Variants in PUDP observed in about 807,000 individuals in gnomAD.
The protein encoded by PUDP is pseudouridine-5'-phosphatase.
PUDP carries 8 observed loss-of-function variants against 9.4 expected under a neutral mutation model. The observed-to-expected ratio is 0.85, with a 90% CI of 0.50 to 1.53. The LOEUF is 1.53. PUDP is among the 40% of genes most tolerant of loss of function. The pLI is 0.00. For synonymous variants in PUDP, 99 were observed against 80.7 expected, an observed-to-expected ratio of 1.23 and a Z score of -1.22; for missense variants, 188 against 189.7, an observed-to-expected ratio of 0.99 and a Z score of 0.05.
chrX:6,789,609 C>G (rs1225558565), intron 3 of PUDP, among the ~76,000 whole-genome samples: 6 of 111,193 alleles, frequency 5.4e-5, no homozygotes. Flanking sequence ...GGCCCCCAAG[C>G]TGGAGCGCTG....
chrX:6,816,849 T>A (rs1926248844), intron 3 of PUDP, among the ~76,000 whole-genome samples: 1 of 95,111 alleles, frequency 1.1e-5, no homozygotes, highest in African/African-American at 3.8e-5. Flanking sequence ...ATACAATATA[T>A]ACACACATAC....
chrX:7,104,268 G>A (rs2146896615), intron 2 of PUDP, among the ~76,000 whole-genome samples: 1 of 111,918 alleles, frequency 8.9e-6, no homozygotes, highest in South Asian at 3.8e-4. Context: ...GATGAACCTT[G>A]AGGGCATTAT....
chrX:7,065,556 C>T (rs1210081165), intron 3 of PUDP, among the ~76,000 whole-genome samples: 2 of 112,253 alleles, frequency 1.8e-5, no homozygotes, highest in Admixed American at 9.4e-5. Flanking sequence ...CCTTGATCCT[C>T]GCATAAATCC....
chrX:7,068,264 C>T (rs1357903534), intron 3 of PUDP, among the ~76,000 whole-genome samples: 2 of 112,231 alleles, frequency 1.8e-5, no homozygotes, highest in Admixed American at 1.9e-4. Flanking sequence ...CTAAATCACT[C>T]GGTATTCCTG....
chrX:7,113,688 T>C (rs759534372), intron 1 of PUDP, among the ~76,000 whole-genome samples: 10 of 112,318 alleles, frequency 8.9e-5, no homozygotes, highest in African/African-American at 3.2e-4. Context: ...CAGTAATTGT[T>C]CAATTTATTT....
chrX:6,825,923 A>G (rs926622315), intron 3 of PUDP, among the ~76,000 whole-genome samples: 16 of 111,759 alleles, frequency 1.4e-4, no homozygotes, highest in Non-Finnish European at 2.4e-4. Flanking sequence ...AGGCTGGGGT[A>G]TGCACATAAC....
intron 2 of PUDP, among the ~76,000 whole-genome samples, chrX:7,086,759 G>A (rs1474651644): frequency 8.9e-6 from 1 of 112,133 alleles, no homozygotes; most frequent in African/African-American, 3.2e-5. Context: ...CTAGGGACCC[G>A]GCACCAACTC....
intron 3 of PUDP, among the ~76,000 whole-genome samples, chrX:6,827,676 G>A (rs2064778406): frequency 2.7e-5 from 3 of 111,714 alleles, no homozygotes; most frequent in Admixed American, 1.9e-4. Context: ...TCCAAGCAAG[G>A]GATGGGAGCA....
chrX:6,988,611 T>A (rs1413856948), intron 1 of PUDP, among the ~76,000 whole-genome samples: 1 of 111,895 alleles, frequency 8.9e-6, no homozygotes, highest in Non-Finnish European at 1.9e-5. Flanking sequence ...TAAATTGACT[T>A]AATCTAAATG....
chrX:6,792,394 G>A (rs1925763302), intron 3 of PUDP, among the ~76,000 whole-genome samples: 2 of 108,975 alleles, frequency 1.8e-5, no homozygotes, highest in African/African-American at 6.7e-5. Context: ...CTTGGCACTT[G>A]GGAAAACAGC....
chrX:7,147,491 C>T (rs758583006), intron 1 of PUDP, among the ~76,000 whole-genome samples: 2 of 112,167 alleles, frequency 1.8e-5, no homozygotes, highest in South Asian at 7.5e-4. Context: ...TGTCTCCTGA[C>T]ATCGCCATTG....
rs184823717 is a variant in PUDP, at chrX:6,741,016, G to A, written c.*248-34550C>T. 1.4e-4 allele frequency among the ~76,000 whole-genome samples: 15 copies of A among 110,153 alleles called. No individual in the cohort carries two copies. The East Asian group carries it at 3.7e-3, about 27-fold the overall frequency. On this transcript the variant is annotated intron_variant and NMD_transcript_variant, in intron 3 of 3. Transcript: ENST00000655425. ...TCTACTAATAATACAAAAACTACCC[G>A]GGCGTGGTGGGGCACACCTGTAATC...
chrX:6,961,305 G>C (rs753633647), intron 3 of PUDP, among the ~76,000 whole-genome samples: 21 of 110,542 alleles, frequency 1.9e-4, no homozygotes, highest in Non-Finnish European at 3.2e-4. Flanking sequence ...AGTATCACCT[G>C]AGCCTGGGAT....
chrX:6,747,828 T>C (rs763999231), intron 3 of PUDP, among the ~76,000 whole-genome samples: 1 of 112,263 alleles, frequency 8.9e-6, no homozygotes, highest in South Asian at 3.7e-4. Context: ...AAAAGAATAG[T>C]AGTGATTGAA....
intron 1 of PUDP, among the ~76,000 whole-genome samples, chrX:7,005,228 T>C (rs1217360442): frequency 1.8e-5 from 2 of 110,702 alleles, no homozygotes; most frequent in Non-Finnish European, 3.8e-5. Flanking sequence ...CAAGAAGGGC[T>C]GTTTCATGGA....
chrX:6,787,195 G>T (rs958942992), intron 3 of PUDP, among the ~76,000 whole-genome samples: 1 of 111,304 alleles, frequency 9.0e-6, no homozygotes, highest in Non-Finnish European at 1.9e-5. Context: ...ATTAACCAAG[G>T]AATAGTCAGA....
chrX:6,786,824 C>T lies in PUDP; in HGVS notation c.*248-80358G>A, dbSNP rs183879397. ...TTATAAAATATTCCATCACCACATTCTACATCTTTAAAAGTCAATGGAAAC... is the reference window on the plus strand; with the variant it reads ...TTATAAAATATTCCATCACCACATTTTACATCTTTAAAAGTCAATGGAAAC... On this transcript the variant is annotated intron_variant and NMD_transcript_variant, in intron 3 of 3. Transcript: ENST00000655425. Among the ~76,000 whole-genome samples, 58 of 112,126 alleles carry T rather than the reference C, an allele frequency of 5.2e-4. 1 individual carries two copies. The highest frequency in any genetic ancestry group is 1.8e-3 in the African/African-American group (57 of 30,956).
At chrX:6,749,386 A>G (rs1198635928) in intron 3 of PUDP, among the ~76,000 whole-genome samples, 2 of 111,088 alleles carry the variant, frequency 1.8e-5, no homozygotes, top group African/African-American at 3.3e-5. Context: ...TTGATCTGGG[A>G]TTAGTGGTTG....
chrX:6,758,651 A>G (rs766177223), intron 3 of PUDP, among the ~76,000 whole-genome samples: 1 of 111,366 alleles, frequency 9.0e-6, no homozygotes, highest in South Asian at 3.8e-4. Context: ...CCTAGCACAG[A>G]AAAGGGAGAC....
Sources: allele counts gnomAD v4.1 joint callset (sites outside exome capture counted in the v4.1 genomes callset), GRCh38; gene constraint gnomAD v4.1.1; transcripts MANE v1.5; gene names NCBI Gene and HGNC (gene_info 2026-07-23, HGNC 2026-07-21).